The following KCTD3 variants were observed in gnomAD, a reference collection of about 807,000 sequenced individuals.
The protein encoded by KCTD3 is potassium channel tetramerization domain containing 3.
KCTD3 carries 41 observed loss-of-function variants against 85.8 expected under a neutral mutation model. That is an observed-to-expected ratio of 0.48 (90% confidence interval 0.37 to 0.62). KCTD3 has a LOEUF of 0.62. KCTD3 is among the 20% of genes least tolerant of loss of function. The probability of loss-of-function intolerance (pLI) is 0.00; values close to 1 mark genes in which losing one functional copy is unlikely to be tolerated. For missense variants in KCTD3, 724 were observed against 989.9 expected, an observed-to-expected ratio of 0.73 and a Z score of 3.60; for synonymous variants, 338 against 345.4, an observed-to-expected ratio of 0.98 and a Z score of 0.24.
At chr1:215,617,874 A>G (rs1427410932) in intron 15 of KCTD3, among the ~76,000 whole-genome samples, 3 of 148,068 alleles carry the variant, frequency 2.0e-5, no homozygotes, top group East Asian at 1.9e-4. Flanking sequence ...TTAAATATAT[A>G]TAATATATAT....
intron 4 of KCTD3, 55 bp downstream of exon 4, chr1:215,576,029 A>T: frequency 1.1e-6 from 1 of 924,712 alleles, no homozygotes; most frequent in Middle Eastern, 2.2e-4. Flanking sequence ...TGTGTTTTTA[A>T]TATGTTTTAT....
chr1:215,596,198 A>G (rs997001226), intron 10 of KCTD3, among the ~76,000 whole-genome samples: 10 of 152,192 alleles, frequency 6.6e-5, no homozygotes, highest in African/African-American at 9.6e-5. Flanking sequence ...TAGTTTGACA[A>G]TCCAGTAGCT....
At chr1:215,600,068 A>T (rs1027179390) in intron 10 of KCTD3, among the ~76,000 whole-genome samples, 3 of 152,274 alleles carry the variant, frequency 2.0e-5, no homozygotes, top group East Asian at 3.9e-4. Context: ...TGTGTAAAGC[A>T]GTCTCCCCTC....
rs759919025 is a variant in KCTD3, at chr1:215,603,531, G to T, written c.1139-601G>T. On this transcript the variant is annotated intron_variant, in intron 12 of 17. Transcript: ENST00000259154. ...ATATTTTAAGTATGATGTAAGCAAT[G>T]TAATGGGTATGTTTATTCCCTAGCA... Among the ~76,000 whole-genome samples the T allele has an allele frequency of 4.7e-4, 71 of 152,290 alleles. No individual in the cohort carries two copies. In the Middle Eastern group the frequency reaches 0.024, roughly 51 times the overall value.
intron 10 of KCTD3, among the ~76,000 whole-genome samples, chr1:215,601,070 C>T (rs145524446): frequency 0.015 from 2,350 of 152,150 alleles, 51 homozygotes; most frequent in African/African-American, 0.051. Context: ...CCCGAGCAGC[C>T]GGGATTACTG....
chr1:215,618,935 G>A lies in KCTD3; in HGVS notation c.1612G>A (p.Val538Met). The A allele has an allele frequency of 1.2e-6, 2 of 1,613,142 alleles. No homozygotes were observed. The highest frequency in any genetic ancestry group is 1.7e-6 in the Non-Finnish European group (2 of 1,179,466). ...CTGTACTACAATATCCTCATTTACA[G>A]TGAGGGAATGTGAGGGATCCAGTAG... ...VDCTTISSFT[V>M]RECEGSSRMG... Residue 538 changes from valine (V) to methionine (M), a missense_variant, in exon 16 of 18, where the codon GTG (valine) becomes ATG (methionine). Physicochemically the swap from Val to Met is conservative, Grantham distance 21. Transcript: ENST00000259154.
intron 17 of KCTD3, among the ~76,000 whole-genome samples, chr1:215,619,643 G>T (rs543933247): frequency 6.6e-6 from 1 of 152,096 alleles, no homozygotes; most frequent in South Asian, 2.1e-4. Context: ...ATTTATCTGT[G>T]GTTCTATTAT....
At chr1:215,617,009 T>C (rs1481805037) in intron 15 of KCTD3, among the ~76,000 whole-genome samples, 3 of 152,192 alleles carry the variant, frequency 2.0e-5, no homozygotes, top group African/African-American at 7.2e-5. Flanking sequence ...AGTTGATCAA[T>C]GGCCAATGAT....
At chr1:215,594,346 C>T (rs542641024) in intron 9 of KCTD3, among the ~76,000 whole-genome samples, 19 of 152,282 alleles carry the variant, frequency 1.2e-4, no homozygotes, top group Admixed American at 2.0e-4. Context: ...GCCAATATGC[C>T]GCACCAAGGT....
intron 13 of KCTD3, 145 bp from the exon 14 acceptor site, chr1:215,607,872 T>C: frequency 1.9e-6 from 1 of 517,302 alleles, no homozygotes; most frequent in Non-Finnish European, 3.1e-6. Context: ...TTTTGTTAAG[T>C]AGTCACAAAT....
chr1:215,619,290 A>C lies in KCTD3; in HGVS notation c.1885A>C (p.Ser629Arg). The C allele has an allele frequency of 6.2e-7, 1 of 1,612,156 alleles. No individual in the cohort carries two copies. Among genetic ancestry groups the C allele is most frequent in the Non-Finnish European group, 8.5e-7 (1 of 1,178,994 alleles). ...QHSHLRESNS[S>R]LQLQHHDTTH... Reference sequence around the variant, plus strand: ...TAGCCACTTACGAGAATCAAATTCTAGGTAGGTTAAAGAGTTGGGTATTAT... The same window carrying C: ...TAGCCACTTACGAGAATCAAATTCTCGGTAGGTTAAAGAGTTGGGTATTAT... Residue 629 changes from serine to arginine, a missense_variant and splice_region_variant, in exon 17 of 18, where the codon AGC (serine) becomes CGC (arginine). By Grantham distance (110) the Ser-to-Arg change is moderately radical. Transcript: ENST00000259154.
intron 13 of KCTD3, among the ~76,000 whole-genome samples, chr1:215,607,180 G>A (rs1191359434): frequency 1.3e-5 from 2 of 151,874 alleles, no homozygotes; most frequent in East Asian, 1.9e-4. Flanking sequence ...ATGTATGTGT[G>A]TATATAAGAA....
intron 9 of KCTD3, among the ~76,000 whole-genome samples, chr1:215,591,982 G>A (rs565845846): frequency 6.6e-6 from 1 of 152,314 alleles, no homozygotes; most frequent in East Asian, 1.9e-4. Flanking sequence ...AAGGCAAGGA[G>A]GAGCAAGTCA....
chr1:215,601,979 C>T (rs779386048), intron 11 of KCTD3, 25 bp downstream of exon 11: 2 of 1,461,162 alleles, frequency 1.4e-6, no homozygotes, highest in African/African-American at 2.8e-5. Flanking sequence ...ACTTAAAATG[C>T]TCCTGCTTAA....
intron 13 of KCTD3, among the ~76,000 whole-genome samples, chr1:215,605,081 G>T (rs2102594033): frequency 6.6e-6 from 1 of 152,186 alleles, no homozygotes; most frequent in Admixed American, 6.5e-5. Context: ...TTGTGAGTTG[G>T]GTGTGTCAGT....
chr1:215,583,455 A>C (rs954723078), intron 8 of KCTD3, among the ~76,000 whole-genome samples: 7 of 152,230 alleles, frequency 4.6e-5, no homozygotes, highest in Admixed American at 3.9e-4. Context: ...ACCAGAGGTC[A>C]CTTTTGTTGC....
chr1:215,583,418 A>G (rs1004990476), intron 8 of KCTD3, among the ~76,000 whole-genome samples: 9 of 152,184 alleles, frequency 5.9e-5, no homozygotes, highest in Admixed American at 2.6e-4. Context: ...ATGCATTATA[A>G]TTAGCGTATA....
intron 13 of KCTD3, among the ~76,000 whole-genome samples, chr1:215,604,797 A>G (rs1042407809): frequency 1.3e-4 from 19 of 151,850 alleles, no homozygotes; most frequent in Non-Finnish European, 1.9e-4. Context: ...TTTAATGCTA[A>G]AACTGTAGAT....
At chr1:215,613,714 A>G (rs184503557) in intron 15 of KCTD3, among the ~76,000 whole-genome samples, 129 of 152,296 alleles carry the variant, frequency 8.5e-4, no homozygotes, top group African/African-American at 2.9e-3. Context: ...AATCTTCTGC[A>G]AATGGCTAGC....
Sources: allele counts gnomAD v4.1 joint callset (sites outside exome capture counted in the v4.1 genomes callset), GRCh38; gene constraint gnomAD v4.1.1; transcripts MANE v1.5; gene names NCBI Gene and HGNC (gene_info 2026-07-23, HGNC 2026-07-21).